PHACTR3: variants seen among roughly 807,000 people sequenced by gnomAD.
The protein encoded by PHACTR3 is protein phosphatase 1, regulatory subunit 123.
PHACTR3 carries 16 observed loss-of-function variants against 66.8 expected under a neutral mutation model. The ratio of observed to expected loss-of-function variants is 0.24; its 90% CI spans 0.16 to 0.36. The LOEUF (loss-of-function observed/expected upper bound fraction) is 0.36. PHACTR3 is among the 10% of genes least tolerant of loss of function. PHACTR3 has a pLI of 1.00. For synonymous variants in PHACTR3, 323 were observed against 292.1 expected (o/e 1.11, Z -1.08); for missense variants, 647 against 719.9 (o/e 0.90, Z 1.16).
At chr20:59,641,250 C>G (rs2035091659) in intron 1 of PHACTR3, among the ~76,000 whole-genome samples, 1 of 152,116 alleles carries the variant, frequency 6.6e-6, no homozygotes, top group Non-Finnish European at 1.5e-5. Flanking sequence ...GTATGTCTCT[C>G]TCTCTCTATC....
At chr20:59,765,658 T>C (rs922702910) in intron 4 of PHACTR3, among the ~76,000 whole-genome samples, 1 of 152,140 alleles carries the variant, frequency 6.6e-6, no homozygotes, top group Non-Finnish European at 1.5e-5. Flanking sequence ...GAGCGTGCAA[T>C]ATTTGCATCT....
intron 7 of PHACTR3, among the ~76,000 whole-genome samples, chr20:59,780,907 CATT>C (rs1203764048): frequency 6.6e-6 from 1 of 152,206 alleles, no homozygotes; most frequent in Non-Finnish European, 1.5e-5. Context: ...AGCTTTGTCT[CATT>C]GTGCTCAGTG....
chr20:59,803,192 G>A (rs2041468421), intron 7 of PHACTR3, among the ~76,000 whole-genome samples: 1 of 152,192 alleles, frequency 6.6e-6, no homozygotes, highest in African/African-American at 2.4e-5. Context: ...CTACTGCAGA[G>A]TTGAAGAATG....
At chr20:59,682,851 G>A (rs1181996908) in intron 1 of PHACTR3, among the ~76,000 whole-genome samples, 1 of 152,158 alleles carries the variant, frequency 6.6e-6, no homozygotes, top group Non-Finnish European at 1.5e-5. Context: ...GAGGGAGACG[G>A]GAGAGAAGCA....
chr20:59,737,701 A>T (rs1050434239), intron 1 of PHACTR3, among the ~76,000 whole-genome samples: 1 of 152,138 alleles, frequency 6.6e-6, no homozygotes, highest in Admixed American at 6.5e-5. Flanking sequence ...ACCTTTATTC[A>T]TTGTTCATCT....
chr20:59,846,345 A>G (rs980968587), intron 12 of PHACTR3, among the ~76,000 whole-genome samples: 5 of 152,152 alleles, frequency 3.3e-5, no homozygotes, highest in Admixed American at 2.6e-4. Flanking sequence ...AGGGGAAGGG[A>G]AAGTTGGATG....
chr20:59,676,860 C>CA (rs750908224), intron 1 of PHACTR3: 106 of 352,718 alleles, frequency 3.0e-4, no homozygotes, highest in Non-Finnish European at 3.4e-4. Context: ...CAAATTCTAG[C>CA]AGCAGCAGGG....
intron 1 of PHACTR3, among the ~76,000 whole-genome samples, chr20:59,585,638 C>T (rs1336700428): frequency 1.3e-5 from 2 of 152,150 alleles, no homozygotes; most frequent in East Asian, 1.9e-4. Context: ...GCATGCACTC[C>T]GTGCCTGGCA....
At chr20:59,780,346 T>A (rs1378089136) in intron 7 of PHACTR3, among the ~76,000 whole-genome samples, 1 of 152,222 alleles carries the variant, frequency 6.6e-6, no homozygotes, top group Non-Finnish European at 1.5e-5. Flanking sequence ...ATCCCTAGAC[T>A]GGGTGTCTTA....
At chr20:59,699,798 C>A (rs571306298) in intron 1 of PHACTR3, among the ~76,000 whole-genome samples, 49 of 152,114 alleles carry the variant, frequency 3.2e-4, no homozygotes, top group Non-Finnish European at 5.9e-4. Flanking sequence ...CCCATCTCTA[C>A]TAAAAACACA....
intron 8 of PHACTR3, among the ~76,000 whole-genome samples, chr20:59,823,313 A>G (rs1364549514): frequency 6.6e-6 from 1 of 152,044 alleles, no homozygotes; most frequent in African/African-American, 2.4e-5. Context: ...ATCTGCAGAT[A>G]TTACCTCCCA....
chr20:59,690,337 C>T (rs540881619), intron 1 of PHACTR3, among the ~76,000 whole-genome samples: 122 of 152,346 alleles, frequency 8.0e-4, no homozygotes, highest in African/African-American at 2.6e-3. Context: ...CCAATCTCAC[C>T]AGGGCCCATC....
At chr20:59,635,135 CT>C (rs758205644) in intron 1 of PHACTR3, among the ~76,000 whole-genome samples, 1 of 68,176 alleles carries the variant, frequency 1.5e-5, no homozygotes, top group Non-Finnish European at 2.9e-5. Flanking sequence ...TTCTTTCTTT[CT>C]TTCTTTCTTT....
At chr20:59,832,790 T>C (rs943646197) in intron 8 of PHACTR3, among the ~76,000 whole-genome samples, 3 of 152,166 alleles carry the variant, frequency 2.0e-5, no homozygotes, top group African/African-American at 7.2e-5. Flanking sequence ...CCTTTGCACA[T>C]GTCCTCTCCT....
intron 1 of PHACTR3, among the ~76,000 whole-genome samples, chr20:59,652,920 G>T (rs1205022102): frequency 1.3e-5 from 2 of 152,162 alleles, no homozygotes; most frequent in African/African-American, 2.4e-5. Context: ...TCATGTGTGT[G>T]TGTACTTAGA....
rs1308603666 is a variant in PHACTR3, at chr20:59,774,358, G to C, written c.1042G>C (p.Ala348Pro). 6.2e-7 allele frequency: 1 copy of C among 1,614,166 alleles called. No homozygotes were observed. Residue 348 changes from alanine (A) to proline (P), a missense_variant, in exon 7 of 13, where the codon GCA (alanine) becomes CCA (proline). By Grantham distance (27) the Ala-to-Pro change is conservative. Around this residue, in one of 2 missense-constraint regions of PHACTR3, gnomAD observed 577 missense variants for 571.1 expected, o/e 1.01. Transcript: ENST00000371015. ...EREEAWSFDG[A>P]LENKRTAAKE... ...GGAGGAGGCTTGGAGCTTTGACGGG[G>C]CATTGGAGAACAAGCGAACTGCCGC...
At chr20:59,645,653 AT>A (rs2035257035) in intron 1 of PHACTR3, among the ~76,000 whole-genome samples, 1 of 152,210 alleles carries the variant, frequency 6.6e-6, no homozygotes, top group Non-Finnish European at 1.5e-5. Context: ...ATAAATTTAT[AT>A]AATGATATAC....
chr20:59,839,190 T>C (rs1372590667), intron 9 of PHACTR3, among the ~76,000 whole-genome samples: 1 of 152,164 alleles, frequency 6.6e-6, no homozygotes, highest in African/African-American at 2.4e-5. Context: ...TCACAATGTC[T>C]CTCTAATTGT....
At chr20:59,592,476 A>G (rs562937713) in intron 1 of PHACTR3, among the ~76,000 whole-genome samples, 1 of 152,338 alleles carries the variant, frequency 6.6e-6, no homozygotes, top group South Asian at 2.1e-4. Flanking sequence ...TCCCTGGTTT[A>G]CATTAGGGTG....
Sources: allele counts gnomAD v4.1 joint callset (sites outside exome capture counted in the v4.1 genomes callset), GRCh38; gene constraint gnomAD v4.1.1; regional missense constraint gnomAD v4.1.1; transcripts MANE v1.5; gene names NCBI Gene and HGNC (gene_info 2026-07-23, HGNC 2026-07-21).